KCTD3: variants seen among roughly 807,000 people sequenced by gnomAD.
The protein encoded by KCTD3 is potassium channel tetramerization domain containing 3.
In KCTD3, 41 loss-of-function variants were observed where a neutral mutation model predicts 85.8. The observed-to-expected ratio is 0.48, with a 90% CI of 0.37 to 0.62. KCTD3 has a LOEUF of 0.62. KCTD3 is among the 20% of genes least tolerant of loss of function. The probability of loss-of-function intolerance (pLI) is 0.00; values close to 1 mark genes in which losing one functional copy is unlikely to be tolerated. For synonymous variants in KCTD3, 338 were observed against 345.4 expected (o/e 0.98, Z 0.24); for missense variants, 724 against 989.9 (o/e 0.73, Z 3.60).
intron 9 of KCTD3, among the ~76,000 whole-genome samples, chr1:215,589,594 G>A (rs1176259680): frequency 6.6e-6 from 1 of 152,180 alleles, no homozygotes; most frequent in Non-Finnish European, 1.5e-5. Context: ...CAGAAGGAAA[G>A]AAGGTGTCCA....
intron 17 of KCTD3, 58 bp from the exon 18 acceptor site, chr1:215,619,999 G>T: frequency 7.8e-7 from 1 of 1,285,922 alleles, no homozygotes; most frequent in South Asian, 1.5e-5. Flanking sequence ...TAATTAATAT[G>T]TTCCTGAGAA....
intron 17 of KCTD3, 21 bp from the exon 18 acceptor site, chr1:215,620,036 T>A (rs370357390): frequency 1.8e-4 from 279 of 1,540,278 alleles, no homozygotes; most frequent in Non-Finnish European, 9.3e-5. Context: ...TGAACTGTCA[T>A]TTTTAAAAAC....
intron 8 of KCTD3, among the ~76,000 whole-genome samples, chr1:215,580,563 C>T (rs150801449): frequency 6.5e-4 from 98 of 150,780 alleles, no homozygotes; most frequent in African/African-American, 2.1e-3. Flanking sequence ...TAGTGTAGAC[C>T]GGTGATTTTT....
intron 10 of KCTD3, 79 bp from the exon 11 acceptor site, chr1:215,601,788 T>A (rs1253742725): frequency 1.2e-5 from 10 of 859,428 alleles, no homozygotes; most frequent in Non-Finnish European, 1.8e-5. Context: ...ACCAGAAGAA[T>A]CAAAGTTTTG....
rs982337502 is a variant in KCTD3 at position 215,591,291 on chromosome 1, C to A, written c.818-4065C>A. Among the ~76,000 whole-genome samples the A allele has an allele frequency of 5.2e-4, 14 of 26,992 alleles. No homozygotes were observed. The East Asian group carries it at 0.02, about 39-fold the overall frequency. The allele number at this position is 26,992 out of a possible 152,430, so 17.7% of individuals were successfully genotyped here. On this transcript the variant is annotated intron_variant, in intron 9 of 17. Transcript: ENST00000259154. Reference sequence around the variant, plus strand: ...TTCTCTCTCTCTCCTTCCTTCTTTCCTTCCTTCCTTCCTTCCTTCCTTCCT... The same window carrying A: ...TTCTCTCTCTCTCCTTCCTTCTTTCATTCCTTCCTTCCTTCCTTCCTTCCT...
rs1041853408 is a variant in KCTD3, at chr1:215,617,395, C to T, written c.1563-1491C>T. ...GCTTTGTGAGACCGAGTCTTCTACC[C>T]GTGTGATATGACAGATAGTGTCAGA... On this transcript the variant is annotated intron_variant, in intron 15 of 17. Coordinates refer to ENST00000259154, the MANE Select transcript of KCTD3 (RefSeq NM_016121.5). 1.3e-4 allele frequency among the ~76,000 whole-genome samples: 20 copies of T among 152,160 alleles called. 1 individual carries two copies. The highest frequency in any genetic ancestry group is 5.2e-4 in the Admixed American group (8 of 15,288).
chr1:215,567,812 GCCT>G (rs1341591176), intron 1 of KCTD3, 44 bp downstream of exon 1: 2 of 1,184,102 alleles, frequency 1.7e-6, no homozygotes, highest in Admixed American at 4.2e-5. Context: ...TGCCTTGGCG[GCCT>G]CCTCCTTTGG....
At chr1:215,583,990 A>G (rs1659921605) in intron 8 of KCTD3, among the ~76,000 whole-genome samples, 1 of 152,240 alleles carries the variant, frequency 6.6e-6, no homozygotes, top group South Asian at 2.1e-4. Flanking sequence ...TATCCCAAGT[A>G]AACTAAATAA....
At chr1:215,619,108 A>G (rs1336838854) in intron 16 of KCTD3, 38 bp downstream of exon 16, 1 of 1,609,144 alleles carries the variant, frequency 6.2e-7, no homozygotes, top group Admixed American at 1.7e-5. Context: ...TCACAAGGTT[A>G]AGCTTTTCAC....
chr1:215,584,128 A>T (rs1030336648), intron 8 of KCTD3, among the ~76,000 whole-genome samples: 4 of 152,170 alleles, frequency 2.6e-5, no homozygotes, highest in African/African-American at 9.7e-5. Flanking sequence ...TGTGTTACCC[A>T]TGCCTCTTGT....
At chr1:215,613,005 G>A (rs1655288351) in intron 15 of KCTD3, among the ~76,000 whole-genome samples, 1 of 152,130 alleles carries the variant, frequency 6.6e-6, no homozygotes, top group South Asian at 2.1e-4. Flanking sequence ...CGGGGAGAGA[G>A]AGAGCATCAG....
chr1:215,574,808 T>G (rs1659508075), intron 3 of KCTD3, among the ~76,000 whole-genome samples: 1 of 152,222 alleles, frequency 6.6e-6, no homozygotes, highest in Admixed American at 6.5e-5. Context: ...ATTGTATATA[T>G]ATAGTTGATC....
intron 1 of KCTD3, among the ~76,000 whole-genome samples, chr1:215,569,709 T>A (rs979419296): frequency 6.6e-6 from 1 of 151,820 alleles, no homozygotes; most frequent in Non-Finnish European, 1.5e-5. Context: ...CATTCTCCTG[T>A]CTCAGCCTGG....
intron 9 of KCTD3, among the ~76,000 whole-genome samples, chr1:215,591,015 G>C (rs1332049857): frequency 6.6e-6 from 1 of 152,068 alleles, no homozygotes; most frequent in African/African-American, 2.4e-5. Flanking sequence ...TCCTCTTCTA[G>C]CTTTATTTGT....
chr1:215,602,278 A>G, intron 12 of KCTD3, 77 bp downstream of exon 12: 1 of 708,658 alleles, frequency 1.4e-6, no homozygotes, highest in Non-Finnish European at 2.4e-6. Context: ...ACTAGGTCAA[A>G]TTAAACTGGT....
At position 215,574,736 on chromosome 1, in the gene KCTD3, G is replaced by A. The variant is rs148358910; in HGVS notation, c.183+618G>A. ...CTCCACAAATCTGTGATGTCTCTTCGATTTTTGATGTGCTCTAATGAAAAC... is the reference window on the plus strand; with the variant it reads ...CTCCACAAATCTGTGATGTCTCTTCAATTTTTGATGTGCTCTAATGAAAAC... On this transcript the variant is annotated intron_variant, in intron 3 of 17. Transcript: ENST00000259154. Among the ~76,000 whole-genome samples, 494 of 152,214 alleles carry A rather than the reference G, an allele frequency of 3.2e-3. 5 individuals are homozygous for A. Among genetic ancestry groups the A allele is most frequent in the African/African-American group, 0.011 (468 of 41,542 alleles).
rs781608243 is a variant in KCTD3, at chr1:215,618,920, A to G, written c.1597A>G (p.Ile533Val). Reference protein sequence around the residue: ...CEIQAVDCTTISSFTVRECEG... With the variant: ...CEIQAVDCTTVSSFTVRECEG... The stretch of plus-strand genomic sequence containing the variant: ...GATCCAGGCTGTTGACTGTACTACA[A>G]TATCCTCATTTACAGTGAGGGAATG... Residue 533 changes from isoleucine to valine, a missense_variant, in exon 16 of 18, where the codon ATA (isoleucine) becomes GTA (valine). Physicochemically the swap from Ile to Val is conservative, Grantham distance 29. This residue lies in a region of KCTD3 where 136 missense variants were observed against 197.6 expected (regional missense o/e 0.69). Coordinates refer to ENST00000259154, the MANE Select transcript of KCTD3 (RefSeq NM_016121.5). The G allele has an allele frequency of 2.7e-5, 44 of 1,612,930 alleles. No individual in the cohort carries two copies. The highest frequency in any genetic ancestry group is 5.5e-5 in the South Asian group (5 of 90,688).
chr1:215,620,824 A>G lies in KCTD3; in HGVS notation c.*206A>G, dbSNP rs1343529318. On this transcript the variant is annotated 3_prime_UTR_variant, in exon 18 of 18. Coordinates refer to ENST00000259154, the MANE Select transcript of KCTD3 (RefSeq NM_016121.5). ...TGGAAATTTTTTTAATTTTACAAGT[A>G]CATTTAACAGATCATTTATAAAGCA... The G allele has an allele frequency of 3.3e-5, 16 of 491,464 alleles. No homozygotes were observed. The highest frequency in any genetic ancestry group is 5.1e-4 in the Middle Eastern group (1 of 1,944). The allele number at this position is 491,464 out of a possible 1,614,324, so 30.4% of individuals were successfully genotyped here.
chr1:215,574,082 TG>T lies in KCTD3; in HGVS notation c.150del (p.Arg51GlufsTer25). 6.3e-7 allele frequency: 1 copy of T among 1,589,256 alleles called. No homozygotes were observed. The highest frequency in any genetic ancestry group is 2.2e-5 in the East Asian group (1 of 44,550). ...PDSFFSSLLS[G>X]RISTLRDETG... ...TATTAATGACTTCCAGTTTGCTGAG[TG>T]GGAGAATTTCAACACTTCGAGATGA... On this transcript the variant is annotated frameshift_variant, in exon 3 of 18. Transcript: ENST00000259154. LOFTEE classifies it high-confidence loss of function.
Sources: allele counts gnomAD v4.1 joint callset (sites outside exome capture counted in the v4.1 genomes callset), GRCh38; gene constraint gnomAD v4.1.1; regional missense constraint gnomAD v4.1.1; transcripts MANE v1.5; gene names NCBI Gene and HGNC (gene_info 2026-07-23, HGNC 2026-07-21).